Variants in WDR70 observed in about 807,000 individuals in gnomAD.
WDR70 encodes WD repeat-containing protein 70.
WDR70 carries 53 observed loss-of-function variants against 88.6 expected under a neutral mutation model. The observed-to-expected ratio is 0.60, with a 90% CI of 0.48 to 0.75. The LOEUF is 0.75. Among genes scored for constraint, WDR70 ranks in the 30% least tolerant of loss-of-function variants. The pLI, the probability that WDR70 is intolerant of heterozygous loss-of-function variation, is 0.00. For missense variants in WDR70, 610 were observed against 823.2 expected, an observed-to-expected ratio of 0.74 and a Z score of 3.17; for synonymous variants, 280 against 270.0, an observed-to-expected ratio of 1.04 and a Z score of -0.36.
intron 10 of WDR70, among the ~76,000 whole-genome samples, chr5:37,674,010 G>A (rs1746116572): frequency 6.6e-6 from 1 of 152,008 alleles, no homozygotes; most frequent in East Asian, 1.9e-4. Flanking sequence ...TCTTTATCCA[G>A]TCTATCATTG....
chr5:37,640,635 T>G (rs1745079655), intron 10 of WDR70, among the ~76,000 whole-genome samples: 1 of 152,244 alleles, frequency 6.6e-6, no homozygotes, highest in African/African-American at 2.4e-5. Context: ...CCTTTTGATC[T>G]TAAAGCAGCA....
intron 9 of WDR70, among the ~76,000 whole-genome samples, chr5:37,593,981 C>T (rs1215188032): frequency 1.3e-5 from 2 of 152,234 alleles, no homozygotes; most frequent in African/African-American, 4.8e-5. Context: ...TATCCTTCAC[C>T]CACTTTTTGA....
intron 9 of WDR70, among the ~76,000 whole-genome samples, chr5:37,596,588 G>A (rs183624901): frequency 1.3e-5 from 2 of 152,124 alleles, no homozygotes; most frequent in Non-Finnish European, 2.9e-5. Flanking sequence ...ACAGCATTTT[G>A]TCAGAGCAAT....
At chr5:37,455,636 C>CTTTTTTTTTTTTTTTTTTTTTTTTTTT (rs59254502) in intron 7 of WDR70, among the ~76,000 whole-genome samples, 1 of 70,440 alleles carries the variant, frequency 1.4e-5, no homozygotes, top group African/African-American at 4.6e-5. Context: ...TTCTCTTTAT[C>CTTTTTTTTTTTTTTTTTTTTTTTTTTT]TTTTTTTTTT....
intron 3 of WDR70, among the ~76,000 whole-genome samples, chr5:37,382,213 C>T (rs1486776103): frequency 6.6e-6 from 1 of 151,804 alleles, no homozygotes; most frequent in Admixed American, 6.6e-5. Context: ...ATTCTCCTGC[C>T]TCTGCCTCCC....
chr5:37,721,604 C>A (rs1205233070), intron 14 of WDR70: 4 of 177,430 alleles, frequency 2.3e-5, no homozygotes, highest in Non-Finnish European at 2.4e-5. Context: ...CATTTTGCTT[C>A]TTTCTTTTTT....
At position 37,483,915 on chromosome 5, in the gene WDR70, C is replaced by T. The variant is rs574421817; in HGVS notation, c.840+3928C>T. On this transcript the variant is annotated intron_variant, in intron 8 of 17. Coordinates refer to ENST00000265107, the MANE Select transcript of WDR70 (RefSeq NM_018034.4). ...GCAGAGATGCTCCTCACCTCACAGA[C>T]GGGGTCGCGGCCGGGCAGAGGCGCT... 4.8e-4 allele frequency among the ~76,000 whole-genome samples: 73 copies of T among 151,204 alleles called. 1 individual carries two copies. The highest frequency in any genetic ancestry group is 1.4e-3 in the African/African-American group (57 of 41,124).
chr5:37,397,469 CA>C (rs58483851), intron 5 of WDR70, among the ~76,000 whole-genome samples: 91,154 of 130,764 alleles, frequency 0.7, 29,373 homozygotes, highest in South Asian at 0.72. Context: ...AACTCTGTTT[CA>C]AAAAAAAAAA....
At chr5:37,730,689 A>G (rs1203806027) in intron 17 of WDR70, among the ~76,000 whole-genome samples, 1 of 152,252 alleles carries the variant, frequency 6.6e-6, no homozygotes, top group Admixed American at 6.5e-5. Context: ...GTATTACTGG[A>G]GGTATATTCA....
intron 10 of WDR70, among the ~76,000 whole-genome samples, chr5:37,616,847 T>A (rs968688417): frequency 6.6e-6 from 1 of 152,198 alleles, no homozygotes; most frequent in Non-Finnish European, 1.5e-5. Flanking sequence ...TTATCTTAAA[T>A]GGGTTTGGTT....
intron 7 of WDR70, among the ~76,000 whole-genome samples, chr5:37,446,711 T>A (rs1404794077): frequency 2.6e-5 from 4 of 152,156 alleles, no homozygotes; most frequent in Non-Finnish European, 5.9e-5. Flanking sequence ...ATTTAATAAA[T>A]GGTGCTGGGA....
chr5:37,436,556 G>A (rs1285126723), intron 5 of WDR70, among the ~76,000 whole-genome samples: 2 of 152,240 alleles, frequency 1.3e-5, no homozygotes, highest in African/African-American at 4.8e-5. Context: ...GGGATTTATA[G>A]TGACTTGTTT....
At chr5:37,497,607 C>A (rs1438875772) in intron 8 of WDR70, among the ~76,000 whole-genome samples, 1 of 151,920 alleles carries the variant, frequency 6.6e-6, no homozygotes, top group Non-Finnish European at 1.5e-5. Flanking sequence ...GGAGGGAGTA[C>A]AATGAGCTAT....
chr5:37,739,664 C>CT (rs771599703), intron 17 of WDR70, among the ~76,000 whole-genome samples: 12 of 151,898 alleles, frequency 7.9e-5, no homozygotes, highest in Middle Eastern at 3.2e-3. Flanking sequence ...TATATATATA[C>CT]TTTAAGTTCT....
chr5:37,678,044 G>A lies in WDR70; in HGVS notation c.1093-19611G>A, dbSNP rs987978655. Among the ~76,000 whole-genome samples the A allele has an allele frequency of 5.1e-4, 78 of 152,058 alleles. 1 individual carries two copies. The highest frequency in any genetic ancestry group is 6.0e-4 in the Non-Finnish European group (41 of 68,014). ...TTAATGTCTGTTTTATCAGAGACTA[G>A]GATTGCAACCCCTGCCTTTTTTTGT... On this transcript the variant is annotated intron_variant, in intron 10 of 17. Transcript: ENST00000265107.
chr5:37,594,367 G>T (rs371352547), intron 9 of WDR70, among the ~76,000 whole-genome samples: 1 of 152,142 alleles, frequency 6.6e-6, no homozygotes, highest in Non-Finnish European at 1.5e-5. Flanking sequence ...CATATGGCTA[G>T]CCAGTTTTCC....
chr5:37,699,499 A>G (rs1463298339), intron 11 of WDR70, among the ~76,000 whole-genome samples: 1 of 152,006 alleles, frequency 6.6e-6, no homozygotes, highest in Non-Finnish European at 1.5e-5. Context: ...CTGGATGTAT[A>G]CAATATGGCA....
At chr5:37,462,828 A>G (rs534441400) in intron 7 of WDR70, among the ~76,000 whole-genome samples, 37 of 152,032 alleles carry the variant, frequency 2.4e-4, no homozygotes, top group African/African-American at 8.9e-4. Flanking sequence ...ATCCTCACCC[A>G]ATTTTATAAA....
intron 9 of WDR70, among the ~76,000 whole-genome samples, chr5:37,530,763 T>C (rs1741457019): frequency 7.0e-6 from 1 of 142,452 alleles, no homozygotes; most frequent in African/African-American, 3.0e-5. Context: ...TTTTGTTTCA[T>C]TTATCTTTTG....
Sources: allele counts gnomAD v4.1 joint callset (sites outside exome capture counted in the v4.1 genomes callset), GRCh38; gene constraint gnomAD v4.1.1; transcripts MANE v1.5; gene names NCBI Gene and HGNC (gene_info 2026-07-23, HGNC 2026-07-21).